The following NELL1 variants were observed in gnomAD, a reference collection of about 807,000 sequenced individuals.
NELL1 encodes neural EGFL like 1.
A neutral mutation model predicts 107.4 loss-of-function variants in NELL1; 76 were observed. The ratio of observed to expected loss-of-function variants is 0.71; its 90% CI spans 0.59 to 0.86. The LOEUF (loss-of-function observed/expected upper bound fraction) is 0.86, where lower values mean the gene tolerates loss of function less well. Ranked by LOEUF, NELL1 falls within the 40% of genes least tolerant of loss-of-function variation. NELL1 has a pLI of 0.00. For synonymous variants in NELL1, 353 were observed against 341.2 expected, an observed-to-expected ratio of 1.03 and a Z score of -0.38; for missense variants, 1,024 against 1,005.5, an observed-to-expected ratio of 1.02 and a Z score of -0.25.
chr11:20,878,641 T>C (rs541696521), intron 4 of NELL1, among the ~76,000 whole-genome samples: 1 of 152,356 alleles, frequency 6.6e-6, no homozygotes, highest in South Asian at 2.1e-4. Flanking sequence ...CTTTATTGAC[T>C]TCATGGATCT....
chr11:20,979,194 T>G (rs974352203), intron 12 of NELL1, among the ~76,000 whole-genome samples: 12 of 152,196 alleles, frequency 7.9e-5, no homozygotes, highest in African/African-American at 2.9e-4. Flanking sequence ...TTTATAAATC[T>G]CCCTTCAGCT....
intron 2 of NELL1, among the ~76,000 whole-genome samples, chr11:20,755,565 T>TTTTTTTTA (rs1564895103): frequency 7.0e-6 from 1 of 141,866 alleles, no homozygotes; most frequent in African/African-American, 2.8e-5. Flanking sequence ...TGTTTTTGTT[T>TTTTTTTTA]TTTTTTTTTT....
chr11:20,922,929 G>A (rs1850412491), intron 7 of NELL1, among the ~76,000 whole-genome samples: 1 of 152,116 alleles, frequency 6.6e-6, no homozygotes, highest in Non-Finnish European at 1.5e-5. Context: ...TTCAATAGGT[G>A]GTGGCTGCTG....
At chr11:21,483,639 T>G (rs1329914529) in intron 15 of NELL1, among the ~76,000 whole-genome samples, 1 of 151,920 alleles carries the variant, frequency 6.6e-6, no homozygotes, top group Non-Finnish European at 1.5e-5. Context: ...AAGCTTAATT[T>G]AAAGAGGATG....
intron 2 of NELL1, among the ~76,000 whole-genome samples, chr11:20,706,846 A>G (rs1297874117): frequency 2.6e-5 from 4 of 152,006 alleles, no homozygotes; most frequent in Admixed American, 1.3e-4. Context: ...GAATCTGACA[A>G]TTATGTGTCT....
chr11:21,359,951 T>C (rs1425114468), intron 14 of NELL1, among the ~76,000 whole-genome samples: 1 of 152,186 alleles, frequency 6.6e-6, no homozygotes, highest in Admixed American at 6.5e-5. Flanking sequence ...TTTATTTTAT[T>C]TATCTTTTGT....
At chr11:21,316,595 A>G (rs764773968) in intron 14 of NELL1, among the ~76,000 whole-genome samples, 21 of 152,136 alleles carry the variant, frequency 1.4e-4, no homozygotes, top group Non-Finnish European at 2.6e-4. Context: ...CCCACCTCCA[A>G]TCATACTTCT....
intron 14 of NELL1, among the ~76,000 whole-genome samples, chr11:21,344,935 T>A (rs767894654): frequency 3.3e-5 from 5 of 152,226 alleles, no homozygotes; most frequent in Non-Finnish European, 7.3e-5. Context: ...ATCCTTTAAT[T>A]TTAATAATTT....
intron 2 of NELL1, among the ~76,000 whole-genome samples, chr11:20,696,923 G>C (rs1854633401): frequency 1.3e-5 from 2 of 152,240 alleles, no homozygotes; most frequent in Admixed American, 6.6e-5. Flanking sequence ...ATTGTTTATA[G>C]CTTGGCATTT....
At chr11:20,823,101 A>C (rs1275996031) in intron 3 of NELL1, among the ~76,000 whole-genome samples, 1 of 142,110 alleles carries the variant, frequency 7.0e-6, no homozygotes, top group Non-Finnish European at 1.6e-5. Flanking sequence ...GCTGCTGATA[A>C]AGGCATACCT....
intron 14 of NELL1, among the ~76,000 whole-genome samples, chr11:21,350,267 C>G (rs1850776323): frequency 6.6e-6 from 1 of 151,956 alleles, no homozygotes; most frequent in South Asian, 2.1e-4. Flanking sequence ...TTGGAAGTTC[C>G]TGATCCCAAT....
chr11:20,898,339 A>T (rs1849796334), intron 5 of NELL1, among the ~76,000 whole-genome samples: 1 of 152,038 alleles, frequency 6.6e-6, no homozygotes, highest in Non-Finnish European at 1.5e-5. Context: ...CAAACACTGC[A>T]TGTTCTCACT....
intron 3 of NELL1, among the ~76,000 whole-genome samples, chr11:20,832,634 G>A (rs1435995045): frequency 6.6e-6 from 1 of 152,164 alleles, no homozygotes; most frequent in Non-Finnish European, 1.5e-5. Context: ...AAACTGCCTT[G>A]ACATAGAAGC....
At chr11:21,369,986 A>C (rs755723257) in intron 14 of NELL1, among the ~76,000 whole-genome samples, 1 of 152,106 alleles carries the variant, frequency 6.6e-6, no homozygotes, top group Admixed American at 6.6e-5. Flanking sequence ...AGTAAAAACA[A>C]TTATGCTACT....
intron 4 of NELL1, among the ~76,000 whole-genome samples, chr11:20,856,973 G>A (rs982574771): frequency 6.6e-6 from 1 of 152,184 alleles, no homozygotes; most frequent in Non-Finnish European, 1.5e-5. Flanking sequence ...GCAGACATCT[G>A]GGCCAGAGTG....
chr11:21,377,623 G>A (rs148961527), intron 15 of NELL1, among the ~76,000 whole-genome samples: 289 of 151,954 alleles, frequency 1.9e-3, no homozygotes, highest in Non-Finnish European at 3.0e-3. Flanking sequence ...GAATTGGTCA[G>A]CTCTTTGTAT....
chr11:20,939,597 C>T (rs906149505), intron 10 of NELL1, among the ~76,000 whole-genome samples: 7 of 152,230 alleles, frequency 4.6e-5, no homozygotes, highest in East Asian at 1.9e-4. Context: ...GGGAAGAATT[C>T]GACCCCTTTA....
Position 21,136,647 on chromosome 11 carries a change from A to G in NELL1, c.1426+22933A>G, listed in dbSNP as rs1008659350. On this transcript the variant is annotated intron_variant, in intron 13 of 19. Coordinates refer to ENST00000357134, the MANE Select transcript of NELL1 (RefSeq NM_006157.5). ...GAGTCATTTGCAAATAATTTGCTAC[A>G]CTGTATTACTATCTCTAAGTGCAAA... Among the ~76,000 whole-genome samples, 6 of 152,198 alleles carry G rather than the reference A, an allele frequency of 3.9e-5. No homozygotes were observed. In the East Asian group the frequency reaches 1.2e-3, roughly 29 times the overall value.
At chr11:21,039,360 AT>A (rs1853171420) in intron 12 of NELL1, among the ~76,000 whole-genome samples, 1 of 151,980 alleles carries the variant, frequency 6.6e-6, no homozygotes, top group Non-Finnish European at 1.5e-5. Flanking sequence ...TAATTTTTGT[AT>A]TTTGAGTAGA....
Sources: gnomAD v4.1 joint callset for allele counts (sites outside exome capture counted in the v4.1 genomes callset) on GRCh38, gnomAD v4.1.1 for gene constraint, MANE v1.5 for transcripts, NCBI Gene and HGNC (gene_info 2026-07-23, HGNC 2026-07-21) for gene names.